LRRC17: variants seen among roughly 807,000 people sequenced by gnomAD.
LRRC17 encodes leucine rich repeat containing 17.
LRRC17 carries 33 observed loss-of-function variants against 41.5 expected under a neutral mutation model. That is an observed-to-expected ratio of 0.80 (90% CI 0.60 to 1.06). The LOEUF (loss-of-function observed/expected upper bound fraction) is 1.06. Ranked by LOEUF, LRRC17 falls within the 50% of genes least tolerant of loss-of-function variation. The pLI, the probability that LRRC17 is intolerant of heterozygous loss-of-function variation, is 0.00. For missense variants in LRRC17, 491 were observed against 519.3 expected (o/e 0.95, Z 0.53); for synonymous variants, 192 against 197.0 (o/e 0.97, Z 0.21).
At position 102,913,149 on chromosome 7, in the gene LRRC17, C is replaced by A. The variant is rs376094112; in HGVS notation, c.-141+4C>A. On this transcript the variant is annotated splice_donor_region_variant and intron_variant, in intron 1 of 3. Coordinates refer to ENST00000339431, the MANE Select transcript of LRRC17 (RefSeq NM_001031692.3). ...GGCATCCATTCCCCAAGTTCAGGTACTGTAAGCCTTTGTCTGTGAACCGTC... is the reference window on the plus strand; with the variant it reads ...GGCATCCATTCCCCAAGTTCAGGTAATGTAAGCCTTTGTCTGTGAACCGTC... 1 of 1,614,050 alleles carries A rather than the reference C, an allele frequency of 6.2e-7. No individual in the cohort carries two copies. The highest frequency in any genetic ancestry group is 8.5e-7 in the Non-Finnish European group (1 of 1,180,040).
chr7:102,925,888 C>G (rs1818022145), intron 1 of LRRC17, among the ~76,000 whole-genome samples: 1 of 147,872 alleles, frequency 6.8e-6, no homozygotes, highest in Non-Finnish European at 1.5e-5. Flanking sequence ...TTGCCATGAG[C>G]TAAGATCATG....
chr7:102,918,558 A>G (rs548710803), intron 1 of LRRC17, among the ~76,000 whole-genome samples: 19 of 152,340 alleles, frequency 1.2e-4, no homozygotes, highest in African/African-American at 4.6e-4. Context: ...GATCATGCCT[A>G]TAACCCCAGC....
chr7:102,926,433 CATTATCTTTCT>C, intron 1 of LRRC17: 1 of 1,332,544 alleles, frequency 7.5e-7, no homozygotes, highest in Non-Finnish European at 1.0e-6. Context: ...GCAATTTCCC[CATTATCTTTCT>C]ATTATCCCTC....
rs1584901960 is a variant in LRRC17, at chr7:102,913,015, G to A, written c.-271G>A. On this transcript the variant is annotated 5_prime_UTR_variant, in exon 1 of 4. Coordinates refer to ENST00000339431, the MANE Select transcript of LRRC17 (RefSeq NM_001031692.3). The stretch of plus-strand genomic sequence containing the variant: ...CGTGCACAGCATTAGTATAACGTGA[G>A]GGCTGAATGCAGCCCATTCTCTGGA... 3 of 1,602,886 alleles carry A rather than the reference G, an allele frequency of 1.9e-6. No homozygotes were observed. Among genetic ancestry groups the A allele is most frequent in the East Asian group, 2.2e-5 (1 of 44,694 alleles).
At chr7:102,938,020 A>C (rs1256217820) in intron 2 of LRRC17, among the ~76,000 whole-genome samples, 3 of 152,256 alleles carry the variant, frequency 2.0e-5, no homozygotes, top group Non-Finnish European at 2.9e-5. Flanking sequence ...TTTTGCCTTA[A>C]ATATCTAATG....
intron 1 of LRRC17, among the ~76,000 whole-genome samples, chr7:102,913,532 A>C (rs1021902668): frequency 6.6e-6 from 1 of 152,224 alleles, no homozygotes. Context: ...GGAGGCAATC[A>C]TATTGTTTGG....
chr7:102,919,207 C>T (rs369542123), intron 1 of LRRC17, among the ~76,000 whole-genome samples: 64 of 152,334 alleles, frequency 4.2e-4, no homozygotes, highest in African/African-American at 1.5e-3. Context: ...TGCTTCTCCT[C>T]ACCCTTGCCA....
At position 102,931,933 on chromosome 7, in the gene LRRC17, C is replaced by T. The variant is rs376548338; in HGVS notation, c.-140-1841C>T. 79 of 1,613,158 alleles carry T rather than the reference C, an allele frequency of 4.9e-5. 1 individual carries two copies. The highest frequency in any genetic ancestry group is 1.2e-4 in the Admixed American group (7 of 59,964). On this transcript the variant is annotated intron_variant, in intron 1 of 3. Transcript: ENST00000339431. Reference sequence around the variant, plus strand: ...CAACTCTTGCAAGTTCCTACAGTGGCCTAAATCAAATAAGTTACACGTCAC... The same window carrying T: ...CAACTCTTGCAAGTTCCTACAGTGGTCTAAATCAAATAAGTTACACGTCAC...
At chr7:102,941,108 G>A (rs1351574812) in intron 3 of LRRC17, among the ~76,000 whole-genome samples, 1 of 152,054 alleles carries the variant, frequency 6.6e-6, no homozygotes, top group African/African-American at 2.4e-5. Flanking sequence ...ATTTCCCAAG[G>A]GACAGCAGTA....
At chr7:102,936,781 A>G (rs1820387528) in intron 2 of LRRC17, among the ~76,000 whole-genome samples, 1 of 148,418 alleles carries the variant, frequency 6.7e-6, no homozygotes. Context: ...TACCATCTAT[A>G]CAAGATTTAA....
chr7:102,931,805 C>G, intron 1 of LRRC17: 1 of 1,355,100 alleles, frequency 7.4e-7, no homozygotes, highest in Non-Finnish European at 1.0e-6. Flanking sequence ...ACACAAGCAT[C>G]TATTCTGCAT....
intron 1 of LRRC17, among the ~76,000 whole-genome samples, chr7:102,919,753 C>T (rs1196081593): frequency 6.6e-6 from 1 of 152,124 alleles, no homozygotes; most frequent in Non-Finnish European, 1.5e-5. Flanking sequence ...GTTTATCCTC[C>T]AAGATAATAG....
rs1822163286 is a variant in LRRC17 at position 102,944,779 on chromosome 7, T to C, written c.*172T>C. 2 of 589,482 alleles carry C rather than the reference T, an allele frequency of 3.4e-6. No homozygotes were observed. The highest frequency in any genetic ancestry group is 6.1e-5 in the East Asian group (2 of 33,004). 36.5% of individuals were successfully genotyped at this position (589,482 alleles called of 1,614,324 possible). A position where few individuals can be genotyped will look rare whatever the true frequency, so the allele number is the denominator to read the frequency against. ...ACTATTATAGTAATCAAGAGAATGCTATCATCCTGCTTGCCTGTCCATTTG... is the reference window on the plus strand; with the variant it reads ...ACTATTATAGTAATCAAGAGAATGCCATCATCCTGCTTGCCTGTCCATTTG... On this transcript the variant is annotated 3_prime_UTR_variant, in exon 4 of 4. Transcript: ENST00000339431.
At chr7:102,916,720 C>T (rs774455169) in intron 1 of LRRC17, among the ~76,000 whole-genome samples, 1 of 151,414 alleles carries the variant, frequency 6.6e-6, no homozygotes, top group Non-Finnish European at 1.5e-5. Context: ...CTTGGTAATT[C>T]TAATTCTGCT....
intron 1 of LRRC17, among the ~76,000 whole-genome samples, chr7:102,918,252 C>CA (rs1298509510): frequency 1.3e-5 from 2 of 151,838 alleles, no homozygotes; most frequent in African/African-American, 4.8e-5. Context: ...TTTTATATGG[C>CA]AAAAAAATCA....
chr7:102,939,071 T>A (rs184329713), intron 2 of LRRC17, among the ~76,000 whole-genome samples: 28 of 152,318 alleles, frequency 1.8e-4, no homozygotes, highest in African/African-American at 6.5e-4. Context: ...TCCACCTTCA[T>A]GTCCAGCCCA....
At chr7:102,924,723 G>A (rs970770363) in intron 1 of LRRC17, among the ~76,000 whole-genome samples, 3 of 144,456 alleles carry the variant, frequency 2.1e-5, no homozygotes, top group East Asian at 2.0e-4. Flanking sequence ...CTCACTGCAA[G>A]CTCCGCCTCC....
intron 1 of LRRC17, among the ~76,000 whole-genome samples, chr7:102,915,600 G>C (rs904401533): frequency 6.6e-6 from 1 of 152,140 alleles, no homozygotes; most frequent in African/African-American, 2.4e-5. Context: ...TAATGTCACA[G>C]ACACCTTTGG....
chr7:102,938,025 C>A (rs779771387), intron 2 of LRRC17, among the ~76,000 whole-genome samples: 1 of 152,278 alleles, frequency 6.6e-6, no homozygotes, highest in African/African-American at 2.4e-5. Context: ...CCTTAAATAT[C>A]TAATGGCAAG....
Sources: allele counts gnomAD v4.1 joint callset (sites outside exome capture counted in the v4.1 genomes callset), GRCh38; gene constraint gnomAD v4.1.1; transcripts MANE v1.5; gene names NCBI Gene and HGNC (gene_info 2026-07-23, HGNC 2026-07-21).